NLRX1: variants seen among roughly 807,000 people sequenced by gnomAD.
NLRX1 encodes NLR family member X1.
A neutral mutation model predicts 74.2 loss-of-function variants in NLRX1; 67 were observed. The observed-to-expected ratio is 0.90, with a 90% CI of 0.74 to 1.11. The LOEUF (loss-of-function observed/expected upper bound fraction) is 1.11. Ranked by LOEUF, NLRX1 falls within the 50% of genes least tolerant of loss-of-function variation. NLRX1 has a pLI of 0.00. For synonymous variants in NLRX1, 506 were observed against 559.1 expected (o/e 0.91, Z 1.34); for missense variants, 1,191 against 1,305.4 (o/e 0.91, Z 1.35).
chr11:119,174,201 C>A, intron 5 of NLRX1, 103 bp downstream of exon 5: 1 of 1,428,676 alleles, frequency 7.0e-7, no homozygotes, highest in Non-Finnish European at 9.4e-7. Flanking sequence ...AGTGGTGCGA[C>A]CCTGAGCAAG....
Position 119,183,085 on chromosome 11 carries a change from A to G in NLRX1, c.2607-33A>G, listed in dbSNP as rs1948882284. The stretch of plus-strand genomic sequence containing the variant: ...CTCGGGCCCTCCTTCTCAGAGCTCT[A>G]CTGAATGGCATCGACTTTCTCTCTC... On this transcript the variant is annotated intron_variant, in intron 9 of 9. Coordinates refer to ENST00000409109, the MANE Select transcript of NLRX1 (RefSeq NM_001282144.2). The surrounding 1 kb of genome is among the most constrained non-coding windows in gnomAD (Gnocchi z 5.7). 6.3e-6 allele frequency: 10 copies of G among 1,598,914 alleles called. No individual in the cohort carries two copies. The highest frequency in any genetic ancestry group is 7.7e-6 in the Non-Finnish European group (9 of 1,170,836).
upstream of NLRX1, chr11:119,168,383 C>A (rs1253903308): frequency 6.6e-6 from 1 of 152,272 alleles, no homozygotes; most frequent in Admixed American, 6.5e-5. Flanking sequence ...GGTCTGGGCT[C>A]TGAAGAGGAC....
Position 119,175,095 on chromosome 11 carries a change from C to A in NLRX1, c.1492C>A (p.Gln498Lys). ...GTFVFTVPAM[Q>K]EYLAALYIVL... ...CTTCGTGTTCACCGTGCCCGCCATG[C>A]AGGAATACCTGGCTGCCCTCTACAT... The change falls in exon 6 of 10, where the codon CAG becomes AAG. Residue 498 changes from glutamine to lysine, a missense_variant. Physicochemically the swap from Gln to Lys is moderately conservative, Grantham distance 53 (BLOSUM62 1). Coordinates refer to ENST00000409109, the MANE Select transcript of NLRX1 (RefSeq NM_001282144.2). The A allele has an allele frequency of 6.2e-7, 1 of 1,614,190 alleles. No homozygotes were observed. The highest frequency in any genetic ancestry group is 8.5e-7 in the Non-Finnish European group (1 of 1,180,044).
rs183362982 is a variant in NLRX1, at chr11:119,183,324, G to A, written c.2813G>A (p.Arg938Gln). Residue 938 changes from arginine to glutamine, a missense_variant, in exon 10 of 10, where the codon CGG becomes CAG. Arg to Gln is a conservative substitution (Grantham distance 43, BLOSUM62 1). Transcript: ENST00000409109. This position sits in a 1 kb window ranked among gnomAD's most constrained non-coding sequence, Gnocchi z 5.7. ...CAGCGACACCTTGAGCTCCTACTGC[G>A]GGATCTGGAAGATAGCCGGGGTGCC... The part of the protein sequence containing the change: ...RVQRHLELLL[R>Q]DLEDSRGATL... 28 of 1,614,222 alleles carry A rather than the reference G, an allele frequency of 1.7e-5. 1 individual carries two copies. Among genetic ancestry groups the A allele is most frequent in the Admixed American group, 1.3e-4 (8 of 60,024 alleles).
chr11:119,174,970 G>T lies in NLRX1; in HGVS notation c.1367G>T (p.Gly456Val), dbSNP rs767083119. 3.7e-6 allele frequency: 6 copies of T among 1,614,062 alleles called. No individual in the cohort carries two copies. The South Asian group carries it at 5.5e-5, about 15-fold the overall frequency. Residue 456 changes from glycine (G) to valine (V), a missense_variant, in exon 6 of 10, where the codon GGC (glycine) becomes GTC (valine). Transcript: ENST00000409109. ...GATGTCTGTGGCTGCCTGGAGGCTG[G>T]CATCAGGACGGAGGAGGAGTTTCAG... ...EEDVCGCLEAGIRTEEEFQLL... is the reference protein window; with the variant it reads ...EEDVCGCLEAVIRTEEEFQLL...
intron 9 of NLRX1, among the ~76,000 whole-genome samples, chr11:119,182,634 C>A (rs1760336428): frequency 6.6e-6 from 1 of 152,134 alleles, no homozygotes; most frequent in Non-Finnish European, 1.5e-5. Flanking sequence ...CGTCTGTAAT[C>A]CCAGCACTTC....
Position 119,183,973 on chromosome 11 carries a change from G to A in NLRX1, c.*534G>A, listed in dbSNP as rs746280036. 1 of 767,690 alleles carries A rather than the reference G, an allele frequency of 1.3e-6. No individual in the cohort carries two copies. The highest frequency in any genetic ancestry group is 2.4e-6 in the Non-Finnish European group (1 of 409,192). The allele number at this position is 767,690 out of a possible 1,614,324, so 47.6% of individuals were successfully genotyped here. On this transcript the variant is annotated 3_prime_UTR_variant, in exon 10 of 10. Coordinates refer to ENST00000409109, the MANE Select transcript of NLRX1 (RefSeq NM_001282144.2). The surrounding 1 kb of genome is among the most constrained non-coding windows in gnomAD (Gnocchi z 5.7). ...GGCTTGGTAGCCCCTCGAGGCAGAT[G>A]CACCTGACTTGCTGCTATTAAAAAG... is the stretch of plus-strand genomic sequence containing the variant.
intron 9 of NLRX1, among the ~76,000 whole-genome samples, 199 bp from the exon 10 acceptor site, chr11:119,182,919 C>CAAAAAA (rs371710220): frequency 7.1e-6 from 1 of 141,170 alleles, no homozygotes; most frequent in African/African-American, 2.6e-5. Context: ...AAAACAAAAA[C>CAAAAAA]AAAAAAAAAA....
At position 119,175,006 on chromosome 11, in the gene NLRX1, T is replaced by G; in HGVS notation, c.1403T>G (p.Ile468Ser). The part of the protein sequence containing the change: ...RTEEEFQLLH[I>S]FRRDALRFFL... ...GAGGAGGAGTTTCAGCTGCTGCACA[T>G]CTTCCGTCGGGATGCCCTGAGGTTT... Residue 468 changes from isoleucine to serine, a missense_variant, in exon 6 of 10, where the codon ATC becomes AGC. By Grantham distance (142) the Ile-to-Ser change is moderately radical (BLOSUM62 -2). Coordinates refer to ENST00000409109, the MANE Select transcript of NLRX1 (RefSeq NM_001282144.2). 2.5e-6 allele frequency: 4 copies of G among 1,614,104 alleles called. No homozygotes were observed. The highest frequency in any genetic ancestry group is 3.4e-6 in the Non-Finnish European group (4 of 1,180,036).
intron 6 of NLRX1, chr11:119,178,094 A>T (rs532965821): frequency 6.6e-6 from 1 of 152,238 alleles, no homozygotes; most frequent in South Asian, 2.1e-4. Context: ...CTTGAGCCTA[A>T]GAGTTAAAGG....
intron 6 of NLRX1, among the ~76,000 whole-genome samples, chr11:119,178,734 G>T (rs1948756970): frequency 6.9e-6 from 1 of 145,416 alleles, no homozygotes. Context: ...ACAGGGTCTT[G>T]CTCTGTTGCC....
At chr11:119,172,230 C>A in intron 2 of NLRX1, 126 bp from the exon 3 acceptor site, 1 of 724,080 alleles carries the variant, frequency 1.4e-6, no homozygotes. Context: ...TATAAAATTG[C>A]AAAATAACTG....
rs774678132 is a variant in NLRX1 at position 119,171,417 on chromosome 11, A to G, written c.14A>G (p.His5Arg). The change falls in exon 2 of 10, where the codon CAC becomes CGC. Residue 5 changes from histidine to arginine, a missense_variant. Physicochemically the swap from His to Arg is conservative, Grantham distance 29. Transcript: ENST00000409109. MRWG[H>R]HLPRASWGSG... Reference sequence around the variant, plus strand: ...TTCTTTCCCAGGATGAGGTGGGGCCACCATTTGCCCAGGGCCTCTTGGGGC... The same window carrying G: ...TTCTTTCCCAGGATGAGGTGGGGCCGCCATTTGCCCAGGGCCTCTTGGGGC... 6.8e-6 allele frequency: 11 copies of G among 1,613,826 alleles called. No homozygotes were observed. In the Admixed American group the frequency reaches 1.2e-4, roughly 17 times the overall value.
At position 119,172,877 on chromosome 11, in the gene NLRX1, C is replaced by T. The variant is rs781218618; in HGVS notation, c.141-24C>T. On this transcript the variant is annotated intron_variant, in intron 3 of 9. Coordinates refer to ENST00000409109, the MANE Select transcript of NLRX1 (RefSeq NM_001282144.2). ...GGCTGATCCAAGTTACAAGTCCCAG[C>T]TCATCCCCTCTCCTTGTTCCCAGGG... is the stretch of plus-strand genomic sequence containing the variant. 3.8e-6 allele frequency: 6 copies of T among 1,575,552 alleles called. No individual in the cohort carries two copies. In the South Asian group the frequency reaches 5.5e-5, roughly 15 times the overall value.
chr11:119,173,319 G>A lies in NLRX1; in HGVS notation c.230-160G>A. 6 of 828,610 alleles carry A rather than the reference G, an allele frequency of 7.2e-6. No homozygotes were observed. Among genetic ancestry groups the A allele is most frequent in the Non-Finnish European group, 1.1e-5 (6 of 523,056 alleles). The allele number at this position is 828,610 out of a possible 1,614,324, so 51.3% of individuals were successfully genotyped here. On this transcript the variant is annotated intron_variant, in intron 4 of 9. Transcript: ENST00000409109. The surrounding 1 kb of genome is among the most constrained non-coding windows in gnomAD (Gnocchi z 4.0). ...TGACATAGGGGTTCCAGACTTTCTG[G>A]ACAGTCTATATTTTCTCAGGGAGTC...
In NLRX1 at chr11:119,173,378, T is replaced by G; in HGVS notation, c.230-101T>G. On this transcript the variant is annotated intron_variant, in intron 4 of 9. Coordinates refer to ENST00000409109, the MANE Select transcript of NLRX1 (RefSeq NM_001282144.2). The surrounding 1 kb of genome is among the most constrained non-coding windows in gnomAD (Gnocchi z 4.0). ...CCACCATTGTGGGCCCCAGCATCTA[T>G]GCCGTGATGTCCCAGCCTGACCTCA... 1 of 1,276,914 alleles carries G rather than the reference T, an allele frequency of 7.8e-7. No individual in the cohort carries two copies. The highest frequency in any genetic ancestry group is 1.1e-6 in the Non-Finnish European group (1 of 920,342). The allele number at this position is 1,276,914 out of a possible 1,614,324, so 79.1% of individuals were successfully genotyped here.
chr11:119,179,913 T>C lies in NLRX1; in HGVS notation c.1892T>C (p.Leu631Pro). Residue 631 changes from leucine (L) to proline (P), a missense_variant, in exon 7 of 10, where the codon CTC (leucine) becomes CCC (proline). Physicochemically the swap from Leu to Pro is moderately conservative, Grantham distance 98 (BLOSUM62 -3). Coordinates refer to ENST00000409109, the MANE Select transcript of NLRX1 (RefSeq NM_001282144.2). ...ELFPMFMGGLLSAHNRAVLAQ... is the reference protein window; with the variant it reads ...ELFPMFMGGLPSAHNRAVLAQ... ...TTCCCCATGTTCATGGGGGGGCTTC[T>C]CTCTGCCCACAACCGAGCTGTGCTA... is the stretch of plus-strand genomic sequence containing the variant. The C allele has an allele frequency of 6.2e-7, 1 of 1,611,746 alleles. No individual in the cohort carries two copies. Among genetic ancestry groups the C allele is most frequent in the Non-Finnish European group, 8.5e-7 (1 of 1,178,286 alleles).
chr11:119,175,176 C>T lies in NLRX1; in HGVS notation c.1573C>T (p.Leu525Phe). The T allele has an allele frequency of 6.2e-7, 1 of 1,614,202 alleles. No homozygotes were observed. The highest frequency in any genetic ancestry group is 8.5e-7 in the Non-Finnish European group (1 of 1,180,038). The change falls in exon 6 of 10, where the codon CTC becomes TTC. Residue 525 changes from leucine (L) to phenylalanine (F), a missense_variant. Leu to Phe is a conservative substitution (Grantham distance 22, BLOSUM62 0). Coordinates refer to ENST00000409109, the MANE Select transcript of NLRX1 (RefSeq NM_001282144.2). ...AAAGGTGGGCAAGGAAGTGGCTGAG[C>T]TCGTGGGCCGTGTTGGGGAGGACGT... ...LQKVGKEVAE[L>F]VGRVGEDVSL...
At chr11:119,178,864 T>A (rs975419350) in intron 6 of NLRX1, among the ~76,000 whole-genome samples, 5 of 152,074 alleles carry the variant, frequency 3.3e-5, no homozygotes, top group African/African-American at 1.2e-4. Flanking sequence ...AAAATTTTTT[T>A]AATAGAGATG....
Sources: allele counts gnomAD v4.1 joint callset (sites outside exome capture counted in the v4.1 genomes callset), GRCh38; gene constraint gnomAD v4.1.1; non-coding constraint Gnocchi (gnomAD v3.1); transcripts MANE v1.5; gene names NCBI Gene and HGNC (gene_info 2026-07-23, HGNC 2026-07-21).